The following HS3ST5 variants were observed in gnomAD, a reference collection of about 807,000 sequenced individuals.
HS3ST5 encodes the protein heparan sulfate glucosamine 3-O-sulfotransferase 5.
HS3ST5 carries 10 observed loss-of-function variants against 25.4 expected under a neutral mutation model. That is an observed-to-expected ratio of 0.39 (90% CI 0.24 to 0.67). HS3ST5 has a LOEUF of 0.67. Among genes scored for constraint, HS3ST5 ranks in the 30% least tolerant of loss-of-function variants. The probability of loss-of-function intolerance (pLI) is 0.44; values close to 1 mark genes in which losing one functional copy is unlikely to be tolerated. For synonymous variants in HS3ST5, 170 were observed against 162.4 expected (o/e 1.05, Z -0.36); for missense variants, 324 against 420.7 (o/e 0.77, Z 2.01).
chr6:114,195,658 T>G (rs903116706), intron 2 of HS3ST5, among the ~76,000 whole-genome samples: 1 of 152,076 alleles, frequency 6.6e-6, no homozygotes, highest in Admixed American at 6.6e-5. Flanking sequence ...TTAATAAATA[T>G]GCAATTAGGT....
intron 1 of HS3ST5, among the ~76,000 whole-genome samples, chr6:114,323,861 C>T (rs138381077): frequency 3.8e-4 from 58 of 152,228 alleles, no homozygotes; most frequent in African/African-American, 1.3e-3. Context: ...AAAAGGCAAA[C>T]ACAGTTTTAC....
chr6:114,085,601 G>A (rs753544778), intron 3 of HS3ST5, among the ~76,000 whole-genome samples: 15 of 152,106 alleles, frequency 9.9e-5, no homozygotes, highest in Non-Finnish European at 2.1e-4. Flanking sequence ...TCTCACAGCT[G>A]GTCCCACAAA....
chr6:114,208,954 G>A (rs940740558), intron 2 of HS3ST5, among the ~76,000 whole-genome samples: 2 of 152,022 alleles, frequency 1.3e-5, no homozygotes, highest in African/African-American at 4.8e-5. Flanking sequence ...AAATACTCCT[G>A]GACAATGAAT....
chr6:114,056,837 T>C lies in HS3ST5; in HGVS notation c.*420A>G, dbSNP rs1351929218. 6.4e-6 allele frequency: 1 copy of C among 156,770 alleles called. No individual in the cohort carries two copies. Among genetic ancestry groups the C allele is most frequent in the Non-Finnish European group, 1.4e-5 (1 of 71,392 alleles). The allele number at this position is 156,770 out of a possible 1,614,324, so 9.7% of individuals were successfully genotyped here. ...AGCATCTGAATTAAAGAGCCAGCTT[T>C]CCCTTAGGAAAAAAAAAATGCATCA... On this transcript the variant is annotated 3_prime_UTR_variant, in exon 5 of 5. Coordinates refer to ENST00000312719, the MANE Select transcript of HS3ST5 (RefSeq NM_153612.4).
At position 114,057,070 on chromosome 6, in the gene HS3ST5, T is replaced by A. The variant is rs80329057; in HGVS notation, c.*187A>T. On this transcript the variant is annotated 3_prime_UTR_variant, in exon 5 of 5. Coordinates refer to ENST00000312719, the MANE Select transcript of HS3ST5 (RefSeq NM_153612.4). ...AAAGATGCGACTATGCAGACAGCAA[T>A]TTTTTTTTTTTCGTAAATTTTCAGT... The A allele has an allele frequency of 1.8e-5, 6 of 325,566 alleles. No homozygotes were observed. The highest frequency in any genetic ancestry group is 3.3e-5 in the Non-Finnish European group (6 of 182,098). The allele number at this position is 325,566 out of a possible 1,614,324, so 20.2% of individuals were successfully genotyped here. A position where few individuals can be genotyped will look rare whatever the true frequency, so the allele number is the denominator to read the frequency against.
At chr6:114,296,619 T>C (rs945570348) in intron 1 of HS3ST5, among the ~76,000 whole-genome samples, 2 of 152,194 alleles carry the variant, frequency 1.3e-5, no homozygotes, top group African/African-American at 4.8e-5. Flanking sequence ...TGCTAAAAAT[T>C]CACACCCTGT....
intron 1 of HS3ST5, among the ~76,000 whole-genome samples, chr6:114,278,732 G>C (rs1161254855): frequency 6.6e-6 from 1 of 152,016 alleles, no homozygotes. Context: ...AAGAACCTCT[G>C]AGTGAATTTA....
rs530583100 is a variant in HS3ST5, at chr6:114,128,415, T to C, written c.-33+39936A>G. Among the ~76,000 whole-genome samples the C allele has an allele frequency of 2.6e-5, 4 of 152,330 alleles. No homozygotes were observed. The South Asian group carries it at 8.3e-4, about 32-fold the overall frequency. ...TATTTAGAACTTCGGTCATTATTTA[T>C]GTAACTAATGTTGATTGCCTGTCTA... On this transcript the variant is annotated intron_variant, in intron 3 of 4. Coordinates refer to ENST00000312719, the MANE Select transcript of HS3ST5 (RefSeq NM_153612.4).
chr6:114,084,677 GT>G, intron 3 of HS3ST5: 1 of 1,243,218 alleles, frequency 8.0e-7, no homozygotes, highest in Non-Finnish European at 1.2e-6. Flanking sequence ...CCTGGGGTCA[GT>G]AACCACAAGA....
chr6:114,162,472 T>C (rs148595818), intron 3 of HS3ST5, among the ~76,000 whole-genome samples: 21 of 152,316 alleles, frequency 1.4e-4, no homozygotes, highest in African/African-American at 4.1e-4. Flanking sequence ...AGTAGTTTCT[T>C]TGCTCCTGTT....
rs1776838943 is a variant in HS3ST5 at position 114,341,222 on chromosome 6, G to GAGAGAGAGA, written c.-339+972_-339+973insTCTCTCTCT. 1.7e-3 allele frequency among the ~76,000 whole-genome samples: 78 copies of GAGAGAGAGA among 46,632 alleles called. 4 individuals are homozygous for GAGAGAGAGA. Among genetic ancestry groups the GAGAGAGAGA allele is most frequent in the African/African-American group, 9.0e-3 (72 of 8,024 alleles). The allele number at this position is 46,632 out of a possible 152,430, so 30.6% of individuals were successfully genotyped here. A position where few individuals can be genotyped will look rare whatever the true frequency, so the allele number is the denominator to read the frequency against. ...AGGGAGAGGGAATAGGGAGAGAGGG[G>GAGAGAGAGA]GAGAGAGAGAGAGAGAGAGAGAGAG... On this transcript the variant is annotated intron_variant, in intron 1 of 4. Coordinates refer to ENST00000312719, the MANE Select transcript of HS3ST5 (RefSeq NM_153612.4).
intron 3 of HS3ST5, among the ~76,000 whole-genome samples, chr6:114,136,333 A>G (rs1367190120): frequency 2.0e-5 from 3 of 152,170 alleles, no homozygotes; most frequent in Non-Finnish European, 4.4e-5. Flanking sequence ...ATGGTTTTAT[A>G]AAGAGCAGTT....
chr6:114,291,852 G>GT, intron 1 of HS3ST5, among the ~76,000 whole-genome samples: 1 of 152,108 alleles, frequency 6.6e-6, no homozygotes, highest in Non-Finnish European at 1.5e-5. Flanking sequence ...GCACATTTCT[G>GT]TTTTTTCACA....
chr6:114,079,927 C>A (rs1774354260), intron 3 of HS3ST5, among the ~76,000 whole-genome samples: 1 of 152,088 alleles, frequency 6.6e-6, no homozygotes. Context: ...AGGCATGTGC[C>A]ACCATGCCTG....
At chr6:114,136,643 G>A (rs1777630354) in intron 3 of HS3ST5, among the ~76,000 whole-genome samples, 1 of 152,170 alleles carries the variant, frequency 6.6e-6, no homozygotes, top group African/African-American at 2.4e-5. Context: ...CTGTTTGACT[G>A]TTGGCTACTT....
chr6:114,290,232 C>A (rs544880487), intron 1 of HS3ST5, among the ~76,000 whole-genome samples: 1 of 152,116 alleles, frequency 6.6e-6, no homozygotes, highest in Non-Finnish European at 1.5e-5. Context: ...CGAAGACACA[C>A]TAAACACAGT....
chr6:114,109,400 C>A (rs1172115426), intron 3 of HS3ST5, among the ~76,000 whole-genome samples: 1 of 152,152 alleles, frequency 6.6e-6, no homozygotes, highest in Non-Finnish European at 1.5e-5. Flanking sequence ...CTCAGGAGCC[C>A]AGTTTGGCTG....
At chr6:114,170,673 T>C (rs1332350290) in intron 2 of HS3ST5, among the ~76,000 whole-genome samples, 1 of 152,106 alleles carries the variant, frequency 6.6e-6, no homozygotes, top group Non-Finnish European at 1.5e-5. Flanking sequence ...AGCTGCCACG[T>C]TGGGGAAATA....
chr6:114,080,338 T>C (rs1211957453), intron 3 of HS3ST5, among the ~76,000 whole-genome samples: 1 of 152,248 alleles, frequency 6.6e-6, no homozygotes, highest in Non-Finnish European at 1.5e-5. Context: ...ACAGATGTGA[T>C]ATTTACACAT....
Sources: allele counts gnomAD v4.1 joint callset (sites outside exome capture counted in the v4.1 genomes callset), GRCh38; gene constraint gnomAD v4.1.1; transcripts MANE v1.5; gene names NCBI Gene and HGNC (gene_info 2026-07-23, HGNC 2026-07-21).